Variants in ELOVL6 observed in about 807,000 individuals in gnomAD.
ELOVL6 encodes very long chain fatty acid elongase 6.
A neutral mutation model predicts 31.7 loss-of-function variants in ELOVL6; 8 were observed. The ratio of observed to expected loss-of-function variants is 0.25; its 90% CI spans 0.15 to 0.45. The LOEUF is 0.45. Ranked by LOEUF, ELOVL6 falls within the 20% of genes least tolerant of loss-of-function variation. The pLI, the probability that ELOVL6 is intolerant of heterozygous loss-of-function variation, is 1.00. For synonymous variants in ELOVL6, 101 were observed against 117.7 expected (o/e 0.86, Z 0.92); for missense variants, 126 against 326.4 (o/e 0.39, Z 4.73).
intron 1 of ELOVL6, among the ~76,000 whole-genome samples, chr4:110,186,506 C>T (rs1759444105): frequency 6.6e-6 from 1 of 151,744 alleles, no homozygotes; most frequent in Non-Finnish European, 1.5e-5. Context: ...TGGGTTAGTG[C>T]CAGTGATTAT....
intron 1 of ELOVL6, among the ~76,000 whole-genome samples, chr4:110,181,292 C>T (rs982750625): frequency 1.3e-5 from 2 of 151,756 alleles, no homozygotes; most frequent in South Asian, 2.1e-4. Context: ...ACTAAAAATA[C>T]AAAAAATTAG....
rs1560813855 is a variant in ELOVL6, at chr4:110,084,076, C to CATATATATGA, written c.221+21420_221+21421insTCATATATAT. 3.6e-4 allele frequency among the ~76,000 whole-genome samples: 6 copies of CATATATATGA among 16,694 alleles called. No homozygotes were observed. In the South Asian group the frequency reaches 5.6e-3, roughly 15 times the overall value. The allele number at this position is 16,694 out of a possible 152,430, so 11.0% of individuals were successfully genotyped here. On this transcript the variant is annotated intron_variant, in intron 2 of 3. Transcript: ENST00000302274. ...ATATATGATATATAACATATATATG[C>CATATATATGA]TATATATGATATATAACATATATAT...
chr4:110,135,729 A>G (rs1280162927), intron 1 of ELOVL6, among the ~76,000 whole-genome samples: 1 of 152,190 alleles, frequency 6.6e-6, no homozygotes, highest in Non-Finnish European at 1.5e-5. Context: ...GGAATAATGA[A>G]GTAATCCTCC....
intron 1 of ELOVL6, among the ~76,000 whole-genome samples, chr4:110,186,602 G>A (rs1405854759): frequency 1.3e-5 from 2 of 151,378 alleles, no homozygotes; most frequent in African/African-American, 2.4e-5. Context: ...TCAGGAGTTC[G>A]AGACCACCCT....
At chr4:110,075,715 C>G (rs1417659293) in intron 2 of ELOVL6, among the ~76,000 whole-genome samples, 1 of 152,140 alleles carries the variant, frequency 6.6e-6, no homozygotes, top group Non-Finnish European at 1.5e-5. Flanking sequence ...CACTACTGAA[C>G]TATACACATA....
chr4:110,055,222 C>T (rs911934885), intron 3 of ELOVL6, among the ~76,000 whole-genome samples: 1 of 152,200 alleles, frequency 6.6e-6, no homozygotes. Flanking sequence ...TTTAATTTGT[C>T]ATGAGCCAGA....
chr4:110,142,768 G>T (rs1053087360), intron 1 of ELOVL6, among the ~76,000 whole-genome samples: 1 of 152,122 alleles, frequency 6.6e-6, no homozygotes, highest in African/African-American at 2.4e-5. Context: ...CCTTTGGCTG[G>T]GAGTTTTGTT....
intron 2 of ELOVL6, among the ~76,000 whole-genome samples, chr4:110,100,112 G>A (rs1756699658): frequency 6.6e-6 from 1 of 152,298 alleles, no homozygotes; most frequent in Non-Finnish European, 1.5e-5. Flanking sequence ...GATGTAGGTG[G>A]AAGTTGGTCA....
chr4:110,145,570 T>C (rs1049990061), intron 1 of ELOVL6, among the ~76,000 whole-genome samples: 4 of 152,064 alleles, frequency 2.6e-5, no homozygotes, highest in Non-Finnish European at 5.9e-5. Flanking sequence ...GCATGAAGAA[T>C]AGAACAGATG....
intron 1 of ELOVL6, among the ~76,000 whole-genome samples, chr4:110,172,496 C>T (rs961963629): frequency 8.5e-5 from 13 of 152,200 alleles, no homozygotes; most frequent in African/African-American, 3.1e-4. Flanking sequence ...AGCATAACTA[C>T]AGCAAGTAAT....
chr4:110,117,903 A>AAAAAAAAAAAATATATATATATATATAT, intron 1 of ELOVL6: 1 of 6,504 alleles, frequency 1.5e-4, no homozygotes, highest in Non-Finnish European at 3.7e-4. Context: ...AAAAAAAAAA[A>AAAAAAAAAAAATATATATATATATATAT]ATATATATAT....
intron 1 of ELOVL6, among the ~76,000 whole-genome samples, chr4:110,147,780 G>GAC (rs58644594): frequency 0.19 from 27,191 of 142,530 alleles, 2,539 homozygotes; most frequent in Middle Eastern, 0.25. Context: ...GACAGAGCAG[G>GAC]ACACACACAC....
At chr4:110,071,694 T>C (rs1376656680) in intron 2 of ELOVL6, among the ~76,000 whole-genome samples, 1 of 152,186 alleles carries the variant, frequency 6.6e-6, no homozygotes, top group African/African-American at 2.4e-5. Context: ...ATCCACTGCC[T>C]GCTCAGAAGG....
intron 1 of ELOVL6, among the ~76,000 whole-genome samples, chr4:110,109,501 G>T (rs543004259): frequency 1.3e-5 from 2 of 152,106 alleles, no homozygotes; most frequent in African/African-American, 4.8e-5. Context: ...AAAATGAATA[G>T]TGGATCTATC....
At chr4:110,133,554 G>C (rs1015038628) in intron 1 of ELOVL6, among the ~76,000 whole-genome samples, 3 of 152,156 alleles carry the variant, frequency 2.0e-5, no homozygotes, top group Admixed American at 1.3e-4. Context: ...AGGCGGGGTT[G>C]TCACAGGTGT....
chr4:110,130,900 C>T (rs7680893), intron 1 of ELOVL6, among the ~76,000 whole-genome samples: 60,889 of 151,994 alleles, frequency 0.4, 12,359 homozygotes, highest in East Asian at 0.46. Flanking sequence ...TGCATACAAA[C>T]ATAGGTAAGT....
intron 1 of ELOVL6, chr4:110,146,626 C>G (rs2126263606): frequency 6.6e-6 from 1 of 152,364 alleles, no homozygotes; most frequent in African/African-American, 2.4e-5. Flanking sequence ...TGTGCCCTGG[C>G]CAAACAGTGG....
chr4:110,079,927 GA>G (rs1406115827), intron 2 of ELOVL6, among the ~76,000 whole-genome samples: 8 of 152,144 alleles, frequency 5.3e-5, no homozygotes, highest in Admixed American at 3.9e-4. Context: ...CGATCCCACA[GA>G]AATACAAACT....
chr4:110,112,398 G>A (rs1757060671), intron 1 of ELOVL6, among the ~76,000 whole-genome samples: 1 of 152,208 alleles, frequency 6.6e-6, no homozygotes, highest in Non-Finnish European at 1.5e-5. Context: ...TAGAGTTGAT[G>A]TTTGCAGCTC....
Sources: allele counts gnomAD v4.1 joint callset (sites outside exome capture counted in the v4.1 genomes callset), GRCh38; gene constraint gnomAD v4.1.1; transcripts MANE v1.5; gene names NCBI Gene and HGNC (gene_info 2026-07-23, HGNC 2026-07-21).